METTL25: variants seen among roughly 807,000 people sequenced by gnomAD.
METTL25 encodes methyltransferase like 25.
Under a neutral mutation model 71.6 loss-of-function variants are expected in METTL25, and 64 were observed. That is an observed-to-expected ratio of 0.89 (90% CI 0.73 to 1.10). The LOEUF (loss-of-function observed/expected upper bound fraction) is 1.10. Among genes scored for constraint, METTL25 ranks in the 50% least tolerant of loss-of-function variants. METTL25 has a pLI of 0.00. For missense variants in METTL25, 807 were observed against 707.0 expected, an observed-to-expected ratio of 1.14 and a Z score of -1.60; for synonymous variants, 287 against 250.3, an observed-to-expected ratio of 1.15 and a Z score of -1.38.
chr12:82,375,352 C>T (rs1484709821), intron 1 of METTL25, among the ~76,000 whole-genome samples: 1 of 152,096 alleles, frequency 6.6e-6, no homozygotes, highest in Non-Finnish European at 1.5e-5. Flanking sequence ...CAAGGAGCAC[C>T]ATCTTGGAAG....
At chr12:82,403,617 T>C (rs1407923330) in intron 5 of METTL25, among the ~76,000 whole-genome samples, 1 of 152,220 alleles carries the variant, frequency 6.6e-6, no homozygotes, top group African/African-American at 2.4e-5. Context: ...ACTTTAAAAC[T>C]GTGTGATTGC....
chr12:82,475,004 G>A (rs1251413532), intron 9 of METTL25, among the ~76,000 whole-genome samples: 1 of 152,156 alleles, frequency 6.6e-6, no homozygotes, highest in Non-Finnish European at 1.5e-5. Flanking sequence ...GTCATATCCT[G>A]AGGAACAAAA....
intron 8 of METTL25, among the ~76,000 whole-genome samples, chr12:82,451,511 A>G (rs1457712112): frequency 1.3e-5 from 2 of 152,182 alleles, no homozygotes; most frequent in Non-Finnish European, 2.9e-5. Flanking sequence ...AAGTACTTAC[A>G]ACAATGCCTG....
rs138284802 is a variant in METTL25 at position 82,402,022 on chromosome 12, A to G, written c.1132-961A>G. On this transcript the variant is annotated intron_variant, in intron 4 of 11. Transcript: ENST00000248306. ...GTCATGTCAAAGACAGAAGAGTATT[A>G]TTAGTAAATTCAACTTCAAAATGAT... Among the ~76,000 whole-genome samples, 389 of 152,166 alleles carry G rather than the reference A, an allele frequency of 2.6e-3. 2 individuals carry two copies. Among genetic ancestry groups the G allele is most frequent in the African/African-American group, 8.8e-3 (367 of 41,562 alleles).
intron 1 of METTL25, among the ~76,000 whole-genome samples, chr12:82,379,237 C>G (rs943931443): frequency 6.6e-6 from 1 of 151,834 alleles, no homozygotes; most frequent in African/African-American, 2.4e-5. Context: ...AAATGACAAC[C>G]TAAGTAAGAA....
chr12:82,383,311 A>T (rs1884625153), intron 1 of METTL25, among the ~76,000 whole-genome samples: 2 of 142,806 alleles, frequency 1.4e-5, no homozygotes, highest in Admixed American at 1.5e-4. Context: ...AGTAGCTGGG[A>T]CAATGCTTTT....
Position 82,479,097 on chromosome 12 carries a change from A to G in METTL25, c.*73A>G, listed in dbSNP as rs1441316190. ...GCTGAGATTGCTTTTCTAAACATAT[A>G]TGTCCTGTTATACAAAAATTTTTAA... On this transcript the variant is annotated 3_prime_UTR_variant, in exon 12 of 12. Transcript: ENST00000248306. 5.0e-6 allele frequency: 6 copies of G among 1,211,406 alleles called. No individual in the cohort carries two copies. The highest frequency in any genetic ancestry group is 1.3e-5 in the South Asian group (1 of 74,346). 75.0% of individuals were successfully genotyped at this position (1,211,406 alleles called of 1,614,324 possible). A position where few individuals can be genotyped will look rare whatever the true frequency, so the allele number is the denominator to read the frequency against.
In METTL25 at chr12:82,447,262, C is replaced by T. The variant is rs191643917; in HGVS notation, c.1478+8471C>T. On this transcript the variant is annotated intron_variant, in intron 8 of 11. Transcript: ENST00000248306. The stretch of plus-strand genomic sequence containing the variant: ...TAATTATATATATATTAGACAAAGT[C>T]TTACATGTTTGCTTCTAGAAACTTT... Among the ~76,000 whole-genome samples the T allele has an allele frequency of 4.2e-3, 646 of 152,064 alleles. 5 individuals carry two copies. The highest frequency in any genetic ancestry group is 7.3e-3 in the Non-Finnish European group (498 of 67,978).
At chr12:82,439,318 AG>A (rs1890156798) in intron 8 of METTL25, among the ~76,000 whole-genome samples, 1 of 151,736 alleles carries the variant, frequency 6.6e-6, no homozygotes. Context: ...TATACAGAAA[AG>A]CAAGGGGTAG....
At chr12:82,438,558 C>A in intron 7 of METTL25, 160 bp from the exon 8 acceptor site, 7 of 310,338 alleles carry the variant, frequency 2.3e-5, no homozygotes, top group Non-Finnish European at 4.1e-5. Flanking sequence ...GAATTAGCCT[C>A]AGGGTAACAC....
At chr12:82,375,646 C>A (rs986874738) in intron 1 of METTL25, among the ~76,000 whole-genome samples, 10 of 152,192 alleles carry the variant, frequency 6.6e-5, no homozygotes, top group Non-Finnish European at 1.0e-4. Context: ...TGTCACTACT[C>A]TGGGCAGTAG....
intron 8 of METTL25, among the ~76,000 whole-genome samples, chr12:82,456,455 TC>T (rs1191386368): frequency 2.0e-5 from 3 of 151,924 alleles, no homozygotes; most frequent in African/African-American, 4.8e-5. Flanking sequence ...GACCAATAGT[TC>T]CTTTTAAAAA....
chr12:82,443,143 AT>A (rs1344825193), intron 8 of METTL25, among the ~76,000 whole-genome samples: 3 of 152,204 alleles, frequency 2.0e-5, no homozygotes, highest in African/African-American at 7.2e-5. Flanking sequence ...AATATTAAGA[AT>A]TTTTCAATCC....
intron 1 of METTL25, among the ~76,000 whole-genome samples, chr12:82,363,806 T>C (rs1310814062): frequency 6.6e-6 from 1 of 151,298 alleles, no homozygotes; most frequent in African/African-American, 2.4e-5. Flanking sequence ...TGGATTTTAG[T>C]ACCTATGATG....
intron 4 of METTL25, among the ~76,000 whole-genome samples, chr12:82,402,430 T>G (rs988088267): frequency 3.3e-5 from 5 of 152,120 alleles, no homozygotes; most frequent in African/African-American, 1.2e-4. Flanking sequence ...TACATTTGAT[T>G]AGTCCAATTT....
intron 9 of METTL25, among the ~76,000 whole-genome samples, chr12:82,474,997 A>G (rs552141783): frequency 6.6e-6 from 1 of 152,344 alleles, no homozygotes; most frequent in African/African-American, 2.4e-5. Flanking sequence ...CTAAAGTGTC[A>G]TATCCTGAGG....
Position 82,423,657 on chromosome 12 carries a change from A to G in METTL25, c.1280-7236A>G, listed in dbSNP as rs945638210. Among the ~76,000 whole-genome samples the G allele has an allele frequency of 9.2e-4, 140 of 152,310 alleles. 1 individual carries two copies. The highest frequency in any genetic ancestry group is 1.2e-3 in the Non-Finnish European group (80 of 68,022). On this transcript the variant is annotated intron_variant, in intron 5 of 11. Coordinates refer to ENST00000248306, the MANE Select transcript of METTL25 (RefSeq NM_032230.3). ...CAATCTACTCATCTGACAAAGGGCTAATATCCAGAATCTACAATGAACTCA... is the reference window on the plus strand; with the variant it reads ...CAATCTACTCATCTGACAAAGGGCTGATATCCAGAATCTACAATGAACTCA...
chr12:82,403,016 G>A lies in METTL25; in HGVS notation c.1165G>A (p.Asp389Asn), dbSNP rs1886772032. 1.2e-6 allele frequency: 2 copies of A among 1,612,884 alleles called. No homozygotes were observed. Among genetic ancestry groups the A allele is most frequent in the South Asian group, 1.1e-5 (1 of 90,952 alleles). ...CLMVGLHTCG[D>N]LAPNTLRIFT... ...GATGGTGGGTCTCCACACTTGTGGT[G>A]ATCTGGCTCCAAATACTTTGCGAAT... Residue 389 changes from aspartate to asparagine, a missense_variant, in exon 5 of 12, where the codon GAT becomes AAT. Physicochemically the swap from Asp to Asn is conservative, Grantham distance 23. Transcript: ENST00000248306.
At chr12:82,419,800 C>T (rs1275531802) in intron 5 of METTL25, among the ~76,000 whole-genome samples, 3 of 151,522 alleles carry the variant, frequency 2.0e-5, no homozygotes, top group African/African-American at 7.3e-5. Flanking sequence ...GAAAATGATA[C>T]GGAGGTTCCT....
Sources: allele counts gnomAD v4.1 joint callset (sites outside exome capture counted in the v4.1 genomes callset), GRCh38; gene constraint gnomAD v4.1.1; transcripts MANE v1.5; gene names NCBI Gene and HGNC (gene_info 2026-07-23, HGNC 2026-07-21).